TBC1D9B: variants seen among roughly 807,000 people sequenced by gnomAD.
The protein encoded by TBC1D9B is TBC1 domain family, member 9B (with GRAM domain).
Under a neutral mutation model 121.1 loss-of-function variants are expected in TBC1D9B, and 87 were observed. The observed-to-expected ratio is 0.72, with a 90% CI of 0.60 to 0.86. The LOEUF (loss-of-function observed/expected upper bound fraction) is 0.86. TBC1D9B is among the 40% of genes least tolerant of loss of function. The pLI, the probability that TBC1D9B is intolerant of heterozygous loss-of-function variation, is 0.00. For missense variants in TBC1D9B, 1,540 were observed against 1,628.6 expected, an observed-to-expected ratio of 0.95 and a Z score of 0.94; for synonymous variants, 668 against 670.1, an observed-to-expected ratio of 1.00 and a Z score of 0.05.
intron 16 of TBC1D9B, 113 bp from the exon 17 acceptor site, chr5:179,869,947 A>G (rs1321782076): frequency 1.3e-5 from 14 of 1,111,416 alleles, no homozygotes; most frequent in Non-Finnish European, 1.6e-5. Context: ...CCTCCTGGAG[A>G]GGTCACAGGG....
chr5:179,879,878 G>A, intron 7 of TBC1D9B, 89 bp from the exon 8 acceptor site: 2 of 1,434,492 alleles, frequency 1.4e-6, no homozygotes, highest in Non-Finnish European at 1.8e-6. Flanking sequence ...CTGGATCGGG[G>A]CCCGGTGCAA....
intron 3 of TBC1D9B, among the ~76,000 whole-genome samples, chr5:179,896,913 A>G (rs1469873809): frequency 6.7e-6 from 1 of 150,340 alleles, no homozygotes; most frequent in Non-Finnish European, 1.5e-5. Flanking sequence ...GATGCTCCTC[A>G]CAGCGTATTT....
chr5:179,882,680 T>C (rs575557417), intron 7 of TBC1D9B, among the ~76,000 whole-genome samples: 3 of 152,162 alleles, frequency 2.0e-5, no homozygotes, highest in African/African-American at 7.2e-5. Context: ...CTCAACCCCA[T>C]CTCTACAAAA....
In TBC1D9B at chr5:179,873,384, C is replaced by A. The variant is rs554184642; in HGVS notation, c.2187-136G>T. 4 of 1,331,776 alleles carry A rather than the reference C, an allele frequency of 3.0e-6. No individual in the cohort carries two copies. In the South Asian group the frequency reaches 6.5e-5, roughly 22 times the overall value. The allele number at this position is 1,331,776 out of a possible 1,614,324, so 82.5% of individuals were successfully genotyped here. A position where few individuals can be genotyped will look rare whatever the true frequency, so the allele number is the denominator to read the frequency against. The stretch of plus-strand genomic sequence containing the variant: ...AGTGTGCAGAGGACTGGGCACCCTG[C>A]AGGAGGGCAGAGGTGTGCCCTGGCA... On this transcript the variant is annotated intron_variant, in intron 12 of 20. Transcript: ENST00000355235.
chr5:179,871,350 A>C (rs183062132), intron 15 of TBC1D9B, 112 bp downstream of exon 15: 22 of 1,089,948 alleles, frequency 2.0e-5, no homozygotes, highest in Non-Finnish European at 2.9e-5. Flanking sequence ...CTGTTTTTCT[A>C]TTCTATTCCC....
intron 10 of TBC1D9B, 147 bp from the exon 11 acceptor site, chr5:179,876,184 C>T: frequency 3.0e-6 from 2 of 660,984 alleles, no homozygotes; most frequent in Non-Finnish European, 5.0e-6. Flanking sequence ...TTTTCAGGTT[C>T]TCGTGGTGAA....
At position 179,879,992 on chromosome 5, in the gene TBC1D9B, C is replaced by G. The variant is rs116458880; in HGVS notation, c.1255-203G>C. 26 of 631,744 alleles carry G rather than the reference C, an allele frequency of 4.1e-5. No individual in the cohort carries two copies. The African/African-American group carries it at 4.4e-4, about 11-fold the overall frequency. The allele number at this position is 631,744 out of a possible 1,614,324, so 39.1% of individuals were successfully genotyped here. A position where few individuals can be genotyped will look rare whatever the true frequency, so the allele number is the denominator to read the frequency against. On this transcript the variant is annotated intron_variant, in intron 7 of 20. Coordinates refer to ENST00000355235, the MANE Select transcript of TBC1D9B (RefSeq NM_015043.4). ...CAGCTCCTCTCTGGCTGCTGGACAC[C>G]GAGTCCTCAGTAATTAACCCCACTC...
At chr5:179,880,867 G>A (rs138815465) in intron 7 of TBC1D9B, among the ~76,000 whole-genome samples, 40 of 152,312 alleles carry the variant, frequency 2.6e-4, no homozygotes, top group Admixed American at 8.5e-4. Flanking sequence ...TGAATCCAGT[G>A]GGCACGGCCC....
intron 2 of TBC1D9B, among the ~76,000 whole-genome samples, chr5:179,900,455 A>G (rs1431151755): frequency 4.6e-5 from 7 of 152,076 alleles, no homozygotes; most frequent in Admixed American, 4.6e-4. Context: ...CGGGGGTGGG[A>G]CAGGAGGCCC....
chr5:179,869,656 C>T (rs1394347479), intron 17 of TBC1D9B, 113 bp downstream of exon 17: 14 of 1,163,272 alleles, frequency 1.2e-5, no homozygotes, highest in South Asian at 2.6e-5. Flanking sequence ...CTCCAGCCTG[C>T]GACGCTGCTG....
chr5:179,889,036 C>T (rs169182), intron 6 of TBC1D9B, among the ~76,000 whole-genome samples: 6 of 145,640 alleles, frequency 4.1e-5, no homozygotes, highest in African/African-American at 1.2e-4. Context: ...TGAGTGTGCA[C>T]TTTTTTTTTT....
chr5:179,870,500 G>A lies in TBC1D9B; in HGVS notation c.2485-5C>T, dbSNP rs2113606990. 6.2e-7 allele frequency: 1 copy of A among 1,604,968 alleles called. No individual in the cohort carries two copies. The highest frequency in any genetic ancestry group is 2.2e-5 in the East Asian group (1 of 44,780). ...CTGGCTAGCCAGGTGCTTGGCCTGT[G>A]GGACACGGTCTGGTGAGACGGTCCA... On this transcript the variant is annotated splice_region_variant and splice_polypyrimidine_tract_variant and intron_variant, in intron 15 of 20. Coordinates refer to ENST00000355235, the MANE Select transcript of TBC1D9B (RefSeq NM_015043.4).
At chr5:179,905,308 C>A (rs999501134) in intron 1 of TBC1D9B, among the ~76,000 whole-genome samples, 8 of 152,224 alleles carry the variant, frequency 5.3e-5, no homozygotes, top group Non-Finnish European at 1.2e-4. Flanking sequence ...CTGTACTCAT[C>A]GCTTCTTCAC....
chr5:179,906,129 G>A (rs992767605), intron 1 of TBC1D9B, among the ~76,000 whole-genome samples: 2 of 152,174 alleles, frequency 1.3e-5, no homozygotes, highest in African/African-American at 4.8e-5. Flanking sequence ...GTCTAGGTTG[G>A]CATGTTTTTA....
In TBC1D9B at chr5:179,879,202, G is replaced by C; in HGVS notation, c.1417-5C>G. 1 of 1,598,356 alleles carries C rather than the reference G, an allele frequency of 6.3e-7. No individual in the cohort carries two copies. Among genetic ancestry groups the C allele is most frequent in the Non-Finnish European group, 8.5e-7 (1 of 1,178,436 alleles). On this transcript the variant is annotated splice_region_variant and splice_polypyrimidine_tract_variant and intron_variant, in intron 8 of 20. Coordinates refer to ENST00000355235, the MANE Select transcript of TBC1D9B (RefSeq NM_015043.4). ...CTCTTTCATCTTCTCCTTGGCCTGAGGGAAAAGCGCATCAGGGAGCCTGGG... is the reference window on the plus strand; with the variant it reads ...CTCTTTCATCTTCTCCTTGGCCTGACGGAAAAGCGCATCAGGGAGCCTGGG...
At position 179,870,459 on chromosome 5, in the gene TBC1D9B, G is replaced by A. The variant is rs6896808; in HGVS notation, c.2521C>T (p.Arg841Cys). 3.2e-3 allele frequency: 5,103 copies of A among 1,612,492 alleles called. 143 individuals carry two copies. The African/African-American group carries it at 0.058, about 18-fold the overall frequency. ...GGGTCCCGACGGCCGGCCATTGTGC[G>A]GCTGCACCCCCAGTACTGGCTAGCC... Reference protein sequence around the residue: ...HLASQYWGCSRTMAGRRDPSL... With the variant: ...HLASQYWGCSCTMAGRRDPSL... The change falls in exon 16 of 21, where the codon CGC becomes TGC. Residue 841 changes from arginine (R) to cysteine (C), a missense_variant. Transcript: ENST00000355235.
intron 18 of TBC1D9B, chr5:179,867,460 G>A: frequency 6.4e-7 from 1 of 1,557,912 alleles, no homozygotes; most frequent in Non-Finnish European, 8.7e-7. Flanking sequence ...GCCTCCCAGG[G>A]CAGGAAAAGA....
At position 179,875,026 on chromosome 5, in the gene TBC1D9B, C is replaced by T. The variant is rs756933859; in HGVS notation, c.2062G>A (p.Val688Ile). 1.2e-5 allele frequency: 20 copies of T among 1,613,924 alleles called. No homozygotes were observed. Among genetic ancestry groups the T allele is most frequent in the African/African-American group, 5.3e-5 (4 of 74,932 alleles). ...VMPFESAVVI[V>I]DCFFYEGIKV... Reference sequence around the variant, plus strand: ...ATGCCCTCATAGAAAAAGCAGTCGACGATGACCACGGCGCTCTCGAAGGGC... The same window carrying T: ...ATGCCCTCATAGAAAAAGCAGTCGATGATGACCACGGCGCTCTCGAAGGGC... Residue 688 changes from valine to isoleucine, a missense_variant, in exon 12 of 21, where the codon GTC (valine) becomes ATC (isoleucine). Coordinates refer to ENST00000355235, the MANE Select transcript of TBC1D9B (RefSeq NM_015043.4). This position sits in a 1 kb window ranked among gnomAD's most constrained non-coding sequence, Gnocchi z 4.5.
rs1761352619 is a variant in TBC1D9B at position 179,907,343 on chromosome 5, G to A, written c.118+361C>T. Reference sequence around the variant, plus strand: ...AAACTGAGGTGGAGGATGAGGACAGGGCGGTCTCGCCAACTTTCGGCGGTG... The same window carrying A: ...AAACTGAGGTGGAGGATGAGGACAGAGCGGTCTCGCCAACTTTCGGCGGTG... On this transcript the variant is annotated intron_variant, in intron 1 of 20. Coordinates refer to ENST00000355235, the MANE Select transcript of TBC1D9B (RefSeq NM_015043.4). The surrounding 1 kb of genome is among the most constrained non-coding windows in gnomAD (Gnocchi z 5.3). Among the ~76,000 whole-genome samples, 1 of 152,112 alleles carries A rather than the reference G, an allele frequency of 6.6e-6. No homozygotes were observed. Among genetic ancestry groups the A allele is most frequent in the Non-Finnish European group, 1.5e-5 (1 of 67,998 alleles).
Sources: gnomAD v4.1 joint callset for allele counts (sites outside exome capture counted in the v4.1 genomes callset) on GRCh38, gnomAD v4.1.1 for gene constraint, Gnocchi (gnomAD v3.1) non-coding constraint, MANE v1.5 for transcripts, NCBI Gene and HGNC (gene_info 2026-07-23, HGNC 2026-07-21) for gene names.